Variants in APAF1 observed in about 807,000 individuals in gnomAD.
The protein encoded by APAF1 is apoptotic peptidase activating factor 1.
Under a neutral mutation model 152.4 loss-of-function variants are expected in APAF1, and 91 were observed. The observed-to-expected ratio is 0.60, with a 90% CI of 0.50 to 0.71. The LOEUF is 0.71. Ranked by LOEUF, APAF1 falls within the 30% of genes least tolerant of loss-of-function variation. APAF1 has a pLI of 0.00. For synonymous variants in APAF1, 484 were observed against 494.1 expected (o/e 0.98, Z 0.27); for missense variants, 1,283 against 1,472.0 (o/e 0.87, Z 2.10).
Position 98,671,652 on chromosome 12 carries a change from G to T in APAF1, c.1726G>T (p.Val576Phe). 1 of 1,614,036 alleles carries T rather than the reference G, an allele frequency of 6.2e-7. No homozygotes were observed. Among genetic ancestry groups the T allele is most frequent in the South Asian group, 1.1e-5 (1 of 91,076 alleles). ...LGLCEPETSE[V>F]YQQAKLQAKQ... Reference sequence around the variant, plus strand: ...TCTCTGTGAGCCGGAAACTTCAGAAGTTTATCAGCAAGCTAAGCTGCAGGC... The same window carrying T: ...TCTCTGTGAGCCGGAAACTTCAGAATTTTATCAGCAAGCTAAGCTGCAGGC... The change falls in exon 12 of 27, where the codon GTT becomes TTT. Residue 576 changes from valine to phenylalanine, a missense_variant. Physicochemically the swap from Val to Phe is conservative, Grantham distance 50 (BLOSUM62 -1). Coordinates refer to ENST00000551964, the MANE Select transcript of APAF1 (RefSeq NM_181861.2).
chr12:98,706,623 G>T lies in APAF1; in HGVS notation c.2721+13G>T. On this transcript the variant is annotated intron_variant, in intron 19 of 26. Transcript: ENST00000551964. ...CCAGACAATCAGGGTGAGAAATATT[G>T]AGATTTTCATTTTGAACATTTCCTG... 6.2e-7 allele frequency: 1 copy of T among 1,613,632 alleles called. No homozygotes were observed.
At chr12:98,695,403 C>G (rs535550712) in intron 16 of APAF1, among the ~76,000 whole-genome samples, 2 of 146,800 alleles carry the variant, frequency 1.4e-5, no homozygotes, top group East Asian at 4.4e-4. Context: ...GTCACACAGG[C>G]TGGAGTGCTG....
chr12:98,658,255 T>C (rs1198777755), intron 4 of APAF1, among the ~76,000 whole-genome samples: 1 of 152,152 alleles, frequency 6.6e-6, no homozygotes, highest in African/African-American at 2.4e-5. Context: ...ACTGACAATA[T>C]GTAAATAAAA....
At chr12:98,666,154 T>A (rs1420208720) in intron 8 of APAF1, 36 bp from the exon 9 acceptor site, 2 of 1,600,198 alleles carry the variant, frequency 1.2e-6, no homozygotes, top group African/African-American at 1.3e-5. Context: ...GTCATTGTAC[T>A]TTTGTGGCAT....
chr12:98,678,883 G>T (rs1325595659), intron 13 of APAF1, among the ~76,000 whole-genome samples: 2 of 152,222 alleles, frequency 1.3e-5, no homozygotes, highest in Non-Finnish European at 2.9e-5. Flanking sequence ...GCATAGGAGG[G>T]AAGCCAAGGG....
rs1271876142 is a variant in APAF1, at chr12:98,647,202, G to A, written c.-41-1117G>A. ...AGGCTGTGGCGGGTGGATCACCTGA[G>A]GTCAGGAATTCAAGACCAGCCTGGT... On this transcript the variant is annotated intron_variant, in intron 1 of 26. Transcript: ENST00000551964. Among the ~76,000 whole-genome samples, 4 of 150,276 alleles carry A rather than the reference G, an allele frequency of 2.7e-5. 1 individual carries two copies. Among genetic ancestry groups the A allele is most frequent in the Non-Finnish European group, 3.0e-5 (2 of 67,662 alleles).
rs1291341561 is a variant in APAF1 at position 98,645,741 on chromosome 12, ACTC to A, written c.-133_-131del. ...CTGCACCCCTAATTCCCGGTGGAAA[ACTC>A]CTGTTGCCGTTTCCCTCCACCGGCC... On this transcript the variant is annotated 5_prime_UTR_variant, in exon 1 of 27. Transcript: ENST00000551964. 1 of 151,532 alleles carries A rather than the reference ACTC, an allele frequency of 6.6e-6. No homozygotes were observed. The highest frequency in any genetic ancestry group is 2.4e-5 in the African/African-American group (1 of 41,148). 9.4% of individuals were successfully genotyped at this position (151,532 alleles called of 1,614,324 possible). A position where few individuals can be genotyped will look rare whatever the true frequency, so the allele number is the denominator to read the frequency against.
chr12:98,668,080 G>A (rs1221754572), intron 10 of APAF1, among the ~76,000 whole-genome samples: 4 of 152,156 alleles, frequency 2.6e-5, no homozygotes, highest in African/African-American at 9.6e-5. Context: ...CACCGCGGCT[G>A]GCTGAAGATT....
chr12:98,683,375 A>C (rs2097694531), intron 15 of APAF1, 101 bp downstream of exon 15: 1 of 1,179,088 alleles, frequency 8.5e-7, no homozygotes, highest in African/African-American at 1.5e-5. Flanking sequence ...CTTTCTGGTC[A>C]CAATGATAGA....
rs766680485 is a variant in APAF1, at chr12:98,665,747, A to G, written c.1150A>G (p.Thr384Ala). ...CAGAGAAGACATCAAAGATTATTACACAGATCTTTCCATCCTTCAGAAGGA... is the reference window on the plus strand; with the variant it reads ...CAGAGAAGACATCAAAGATTATTACGCAGATCTTTCCATCCTTCAGAAGGA... ...MLREDIKDYY[T>A]DLSILQKDVK... The change falls in exon 8 of 27, where the codon ACA (threonine) becomes GCA (alanine). Residue 384 changes from threonine (T) to alanine (A), a missense_variant. Physicochemically the swap from Thr to Ala is moderately conservative, Grantham distance 58. Coordinates refer to ENST00000551964, the MANE Select transcript of APAF1 (RefSeq NM_181861.2). 1.9e-6 allele frequency: 3 copies of G among 1,614,130 alleles called. No homozygotes were observed. The highest frequency in any genetic ancestry group is 2.5e-6 in the Non-Finnish European group (3 of 1,179,986).
intron 16 of APAF1, among the ~76,000 whole-genome samples, chr12:98,691,614 C>T (rs12816300): frequency 1.3e-5 from 2 of 152,038 alleles, no homozygotes; most frequent in South Asian, 4.1e-4. Flanking sequence ...TTTTTGTAGT[C>T]TAAGGCCCTC....
intron 21 of APAF1, among the ~76,000 whole-genome samples, 193 bp from the exon 22 acceptor site, chr12:98,715,234 G>GTATATATATA (rs2097732837): frequency 6.9e-5 from 4 of 58,324 alleles, no homozygotes; most frequent in African/African-American, 3.2e-4. Context: ...TACATGGTGT[G>GTATATATATA]CATATATATA....
At chr12:98,726,753 A>C (rs1790072861) in intron 25 of APAF1, 1 of 154,956 alleles carries the variant, frequency 6.5e-6, no homozygotes, top group Non-Finnish European at 1.4e-5. Flanking sequence ...TTATTTTAAA[A>C]ATTTTTGTTG....
intron 22 of APAF1, among the ~76,000 whole-genome samples, chr12:98,721,883 G>A (rs12368451): frequency 0.55 from 84,177 of 152,010 alleles, 23,587 homozygotes; most frequent in African/African-American, 0.64. Flanking sequence ...CTGCTGTTTA[G>A]CATTGGCCAA....
chr12:98,660,303 G>A (rs1304182596), intron 5 of APAF1, among the ~76,000 whole-genome samples: 1 of 151,996 alleles, frequency 6.6e-6, no homozygotes. Context: ...CCCAGATTGT[G>A]CCACTGTATT....
At chr12:98,679,047 C>A (rs954793948) in intron 13 of APAF1, among the ~76,000 whole-genome samples, 3 of 152,218 alleles carry the variant, frequency 2.0e-5, no homozygotes, top group Non-Finnish European at 2.9e-5. Flanking sequence ...GGCCTGAAGA[C>A]TGGGGGCTGG....
chr12:98,678,114 C>T (rs7303112), intron 13 of APAF1, among the ~76,000 whole-genome samples: 4,266 of 152,224 alleles, frequency 0.028, 206 homozygotes, highest in African/African-American at 0.095. Context: ...TACTTTTAGT[C>T]TTTGCAAGAT....
At chr12:98,658,295 A>G (rs147522046) in intron 4 of APAF1, among the ~76,000 whole-genome samples, 12 of 152,338 alleles carry the variant, frequency 7.9e-5, no homozygotes, top group Non-Finnish European at 1.5e-4. Context: ...TTATGGCTCA[A>G]TTAACAATGA....
At position 98,677,412 on chromosome 12, in the gene APAF1, T is replaced by C; in HGVS notation, c.1794-13T>C. 1 of 1,613,604 alleles carries C rather than the reference T, an allele frequency of 6.2e-7. No individual in the cohort carries two copies. Among genetic ancestry groups the C allele is most frequent in the Non-Finnish European group, 8.5e-7 (1 of 1,179,598 alleles). On this transcript the variant is annotated splice_polypyrimidine_tract_variant and intron_variant, in intron 12 of 26. Transcript: ENST00000551964. ...ATTTATTTAATTTCTGTTCATTTTT[T>C]CCCTGTATTTAGAAACAAAAAAAAC...
Sources: gnomAD v4.1 joint callset for allele counts (sites outside exome capture counted in the v4.1 genomes callset) on GRCh38, gnomAD v4.1.1 for gene constraint, MANE v1.5 for transcripts, NCBI Gene and HGNC (gene_info 2026-07-23, HGNC 2026-07-21) for gene names.